Variants in PRG4 observed in about 807,000 individuals in gnomAD.
PRG4 encodes articular superficial zone protein.
In PRG4, 61 loss-of-function variants were observed where a neutral mutation model predicts 91.2. The ratio of observed to expected loss-of-function variants is 0.67; its 90% CI spans 0.54 to 0.83. The LOEUF is 0.83. Among genes scored for constraint, PRG4 ranks in the 40% least tolerant of loss-of-function variants. The pLI, the probability that PRG4 is intolerant of heterozygous loss-of-function variation, is 0.00. For synonymous variants in PRG4, 576 were observed against 614.2 expected (o/e 0.94, Z 0.92); for missense variants, 1,564 against 1,714.2 (o/e 0.91, Z 1.55).
chr1:186,306,614 G>T lies in PRG4; in HGVS notation c.895G>T (p.Asp299Tyr). The change falls in exon 7 of 13, where the codon GAT becomes TAT. Residue 299 changes from aspartate (D) to tyrosine (Y), a missense_variant. Physicochemically the swap from Asp to Tyr is radical, Grantham distance 160. This residue lies in a region of PRG4 where 437 missense variants were observed against 459.0 expected (regional missense o/e 0.95). Transcript: ENST00000445192. ...TACAACAAATAAACAGACTTCAACT[G>T]ATGGAAAAGAGAAGACTACTTCCGC... is the stretch of plus-strand genomic sequence containing the variant. ...TTTTNKQTST[D>Y]GKEKTTSAKE... The T allele has an allele frequency of 6.2e-7, 1 of 1,613,512 alleles. No individual in the cohort carries two copies. The highest frequency in any genetic ancestry group is 8.5e-7 in the Non-Finnish European group (1 of 1,179,632).
In PRG4 at chr1:186,310,459, AAG is replaced by A. The variant is rs1483787378; in HGVS notation, c.3500-571_3500-570del. ...TAAGAGATAAAGAAATTGAGATCTA[AAG>A]AGATAGTGACTGTAAGTCACAAAGC... On this transcript the variant is annotated intron_variant, in intron 8 of 12. Transcript: ENST00000445192. Among the ~76,000 whole-genome samples the A allele has an allele frequency of 2.6e-5, 4 of 152,278 alleles. No individual in the cohort carries two copies. In the East Asian group the frequency reaches 7.7e-4, roughly 29 times the overall value.
chr1:186,310,413 T>TA (rs1342022815), intron 8 of PRG4, among the ~76,000 whole-genome samples: 1 of 152,158 alleles, frequency 6.6e-6, no homozygotes, highest in Non-Finnish European at 1.5e-5. Context: ...TGTTAGTCAT[T>TA]AAATTATAAT....
intron 10 of PRG4, 82 bp downstream of exon 10, chr1:186,311,678 C>A: frequency 7.3e-7 from 1 of 1,376,560 alleles, no homozygotes; most frequent in South Asian, 1.2e-5. Context: ...ACTTTACTGT[C>A]AAAAGATATC....
rs1362906599 is a variant in PRG4 at position 186,304,775 on chromosome 1, C to T, written c.470-19C>T. Reference sequence around the variant, plus strand: ...TTAAATCACAGTTGGTGTGATCAAACTTTCTATTTGATTTATAGAACATTC... The same window carrying T: ...TTAAATCACAGTTGGTGTGATCAAATTTTCTATTTGATTTATAGAACATTC... On this transcript the variant is annotated intron_variant, in intron 5 of 12. Coordinates refer to ENST00000445192, the MANE Select transcript of PRG4 (RefSeq NM_005807.6). The T allele has an allele frequency of 1.2e-6, 2 of 1,607,586 alleles. No individual in the cohort carries two copies. Among genetic ancestry groups the T allele is most frequent in the East Asian group, 2.2e-5 (1 of 44,756 alleles).
intron 4 of PRG4, among the ~76,000 whole-genome samples, chr1:186,303,428 T>A (rs1181723002): frequency 6.8e-6 from 1 of 147,228 alleles, no homozygotes; most frequent in African/African-American, 2.5e-5. Context: ...TGTTTTCTTA[T>A]CCTTCATTAG....
Position 186,306,789 on chromosome 1 carries a change from A to G in PRG4, c.1070A>G (p.Glu357Gly), listed in dbSNP as rs201481046. Residue 357 changes from glutamate to glycine, a missense_variant, in exon 7 of 13, where the codon GAG becomes GGG. Glu to Gly is a moderately conservative substitution (Grantham distance 98). This residue lies in a region of PRG4 where 437 missense variants were observed against 459.0 expected (regional missense o/e 0.95). Coordinates refer to ENST00000445192, the MANE Select transcript of PRG4 (RefSeq NM_005807.6). ...PKEPTPTTPK[E>G]PASTTPKEPT... is the part of the protein sequence containing the mutation. ...GAGCCCACGCCCACCACTCCCAAGG[A>G]GCCTGCATCTACCACACCCAAAGAG... 1 of 1,612,576 alleles carries G rather than the reference A, an allele frequency of 6.2e-7. No individual in the cohort carries two copies. Among genetic ancestry groups the G allele is most frequent in the African/African-American group, 1.3e-5 (1 of 74,490 alleles).
intron 4 of PRG4, among the ~76,000 whole-genome samples, chr1:186,302,421 T>C (rs1207536005): frequency 6.6e-6 from 1 of 152,268 alleles, no homozygotes; most frequent in African/African-American, 2.4e-5. Context: ...TATACTTGAA[T>C]ACTGGATTAC....
At chr1:186,297,870 A>G (rs1032446951) in intron 2 of PRG4, among the ~76,000 whole-genome samples, 1 of 152,234 alleles carries the variant, frequency 6.6e-6, no homozygotes, top group Non-Finnish European at 1.5e-5. Context: ...AATTGTTTAG[A>G]TAAGAAAAGA....
intron 8 of PRG4, 72 bp from the exon 9 acceptor site, chr1:186,310,962 T>A (rs1657170709): frequency 1.3e-6 from 2 of 1,550,662 alleles, no homozygotes; most frequent in Non-Finnish European, 8.9e-7. Context: ...ACTACATTTT[T>A]TTTCATTTTG....
At chr1:186,311,382 G>T in intron 9 of PRG4, 58 bp from the exon 10 acceptor site, 2 of 1,547,940 alleles carry the variant, frequency 1.3e-6, no homozygotes, top group Non-Finnish European at 1.8e-6. Context: ...ATCTAGAAAG[G>T]AGTTCCAAAT....
At chr1:186,298,475 GTAAGGATGATTTCCTCTTTTT>G (rs1426984971) in intron 2 of PRG4, among the ~76,000 whole-genome samples, 1 of 151,326 alleles carries the variant, frequency 6.6e-6, no homozygotes, top group Non-Finnish European at 1.5e-5. Context: ...AGCTTTTCCT[GTAAGGATGATTTCCTCTTTTT>G]TTTTTTTCTT....
In PRG4 at chr1:186,307,196, A is replaced by C; in HGVS notation, c.1477A>C (p.Thr493Pro). 6.5e-7 allele frequency: 1 copy of C among 1,530,380 alleles called. No homozygotes were observed. The highest frequency in any genetic ancestry group is 8.8e-7 in the Non-Finnish European group (1 of 1,139,086). The allele number at this position is 1,530,380 out of a possible 1,614,324, so 94.8% of individuals were successfully genotyped here. A position where few individuals can be genotyped will look rare whatever the true frequency, so the allele number is the denominator to read the frequency against. The change falls in exon 7 of 13, where the codon ACT becomes CCT. Residue 493 changes from threonine to proline, a missense_variant. Physicochemically the swap from Thr to Pro is conservative, Grantham distance 38. Coordinates refer to ENST00000445192, the MANE Select transcript of PRG4 (RefSeq NM_005807.6). ...APTAPKKPAP[T>P]TPKEPAPTTP... ...CACTGCCCCCAAGAAGCCTGCCCCA[A>C]CTACCCCCAAGGAGCCTGCACCCAC...
rs776625604 is a variant in PRG4, at chr1:186,308,499, C to T, written c.2780C>T (p.Thr927Ile). 5.0e-6 allele frequency: 8 copies of T among 1,613,702 alleles called. No homozygotes were observed. Among genetic ancestry groups the T allele is most frequent in the African/African-American group, 1.3e-5 (1 of 74,920 alleles). Residue 927 changes from threonine (T) to isoleucine (I), a missense_variant, in exon 7 of 13, where the codon ACA becomes ATA. Thr to Ile is a moderately conservative substitution (Grantham distance 89, BLOSUM62 -1). Transcript: ENST00000445192. ...ACAACAGAAAGAGACTTACGTACTA[C>T]ACCTGAAACTACAACTGCTGCACCT... ...DKTTERDLRT[T>I]PETTTAAPKM...
At chr1:186,305,031 A>G (rs1656466462) in intron 6 of PRG4, 109 bp downstream of exon 6, 1 of 1,167,926 alleles carries the variant, frequency 8.6e-7, no homozygotes, top group South Asian at 1.4e-5. Flanking sequence ...ATGGGGGGGA[A>G]TATAACTTTA....
At chr1:186,304,348 G>A (rs1213740419) in intron 5 of PRG4, 91 bp downstream of exon 5, 13 of 1,413,296 alleles carry the variant, frequency 9.2e-6, no homozygotes, top group Non-Finnish European at 1.3e-5. Flanking sequence ...CAGAGAACAG[G>A]GTAATCTTAG....
chr1:186,298,688 A>C (rs1156249672), intron 2 of PRG4, among the ~76,000 whole-genome samples: 1 of 151,728 alleles, frequency 6.6e-6, no homozygotes, highest in African/African-American at 2.4e-5. Context: ...ACAGGTTTTC[A>C]CCATGTTGGC....
chr1:186,307,913 G>A lies in PRG4; in HGVS notation c.2194G>A (p.Glu732Lys). 3.1e-6 allele frequency: 5 copies of A among 1,598,506 alleles called. No homozygotes were observed. Among genetic ancestry groups the A allele is most frequent in the Non-Finnish European group, 4.3e-6 (5 of 1,175,128 alleles). ...PTTPKKPAPK[E>K]LAPTTTKEPT... ...TACTCCCAAGAAGCCTGCCCCCAAG[G>A]AGCTTGCACCCACCACCACCAAGGA... The change falls in exon 7 of 13, where the codon GAG becomes AAG. Residue 732 changes from glutamate to lysine, a missense_variant. Transcript: ENST00000445192.
intron 7 of PRG4, among the ~76,000 whole-genome samples, chr1:186,309,407 C>T (rs534108920): frequency 2.6e-5 from 4 of 152,060 alleles, no homozygotes; most frequent in Non-Finnish European, 5.9e-5. Context: ...AAATTTAGTT[C>T]GGAGTCTATT....
rs775607854 is a variant in PRG4 at position 186,311,063 on chromosome 1, A to G, written c.3529A>G (p.Ser1177Gly). The stretch of plus-strand genomic sequence containing the variant: ...TTATTTCTGGATGCTAAGTCCATTC[A>G]GTCCACCATCTCCAGCTCGCAGAAT... ...GHYFWMLSPF[S>G]PPSPARRITE... Residue 1177 changes from serine (S) to glycine (G), a missense_variant, in exon 9 of 13, where the codon AGT becomes GGT. This residue lies in a region of PRG4 where 1,079 missense variants were observed against 1,162.2 expected (regional missense o/e 0.93). Transcript: ENST00000445192. 9.3e-6 allele frequency: 15 copies of G among 1,614,034 alleles called. No individual in the cohort carries two copies. Among genetic ancestry groups the G allele is most frequent in the Non-Finnish European group, 1.3e-5 (15 of 1,179,938 alleles).
Sources: allele counts gnomAD v4.1 joint callset (sites outside exome capture counted in the v4.1 genomes callset), GRCh38; gene constraint gnomAD v4.1.1; regional missense constraint gnomAD v4.1.1; transcripts MANE v1.5; gene names NCBI Gene and HGNC (gene_info 2026-07-23, HGNC 2026-07-21).